The following S100A8 variants were observed in gnomAD, a reference collection of about 807,000 sequenced individuals.
The protein encoded by S100A8 is S100 calcium binding protein A8, also known as protein S100-A8.
S100A8 carries 1 observed loss-of-function variant against 4.2 expected under a neutral mutation model. The observed-to-expected ratio is 0.24, with a 90% confidence interval of 0.08 to 1.12. The LOEUF (loss-of-function observed/expected upper bound fraction) is 1.12, where lower values mean the gene tolerates loss of function less well. S100A8 is among the 50% of genes most tolerant of loss of function. The probability of loss-of-function intolerance (pLI) is 0.53; values close to 1 mark genes in which losing one functional copy is unlikely to be tolerated. For synonymous variants in S100A8, 41 were observed against 44.7 expected, an observed-to-expected ratio of 0.92 and a Z score of 0.33; for missense variants, 96 against 111.8, an observed-to-expected ratio of 0.86 and a Z score of 0.64.
At chr1:153,413,013 T>A in the S100A8 span, among the ~76,000 whole-genome samples, 4 of 152,112 alleles carry the variant, frequency 2.6e-5, no homozygotes, top group African/African-American at 4.8e-5. Flanking sequence ...AGAGATAGCA[T>A]TAGGAGATAT....
the S100A8 span, among the ~76,000 whole-genome samples, chr1:153,417,750 G>A: frequency 6.6e-6 from 1 of 152,266 alleles, no homozygotes; most frequent in African/African-American, 2.4e-5. Context: ...GAGGCTGGGG[G>A]GTCCCAGCTT....
the S100A8 span, among the ~76,000 whole-genome samples, chr1:153,417,751 G>A: frequency 2.0e-5 from 3 of 152,254 alleles, no homozygotes; most frequent in East Asian, 1.9e-4. Context: ...AGGCTGGGGG[G>A]TCCCAGCTTA....
the S100A8 span, chr1:153,421,592 G>A: frequency 0.072 from 10,896 of 152,094 alleles, 1,292 homozygotes; most frequent in African/African-American, 0.25. Context: ...GCAGCTTAGG[G>A]GAGGACCCCA....
rs1449283056 is a variant in S100A8, at chr1:153,390,164, A to G, written c.221T>C (p.Leu74Pro). The G allele has an allele frequency of 6.2e-7, 1 of 1,614,150 alleles. No individual in the cohort carries two copies. The highest frequency in any genetic ancestry group is 1.1e-5 in the South Asian group (1 of 91,080). Residue 74 changes from leucine (L) to proline (P), a missense_variant, in exon 3 of 3, where the codon CTG becomes CCG. Leu to Pro is a moderately conservative substitution (Grantham distance 98). Transcript: ENST00000368733. ...GAVNFQEFLI[L>P]VIKMGVAAHK... ...GGCTGCCACGCCCATCTTTATCACC[A>G]GAATGAGGAACTCCTGGAAGTTAAC...
In S100A8 at chr1:153,390,538, T is replaced by G; in HGVS notation, c.-3A>C. The G allele has an allele frequency of 6.2e-7, 1 of 1,614,156 alleles. No homozygotes were observed. The highest frequency in any genetic ancestry group is 8.5e-7 in the Non-Finnish European group (1 of 1,180,014). ...GCTTTCTCCAGCTCGGTCAACATGA[T>G]GCCCACGGACTTGCCCCACCTGAAA... On this transcript the variant is annotated 5_prime_UTR_variant, in exon 2 of 3. Coordinates refer to ENST00000368733, the MANE Select transcript of S100A8 (RefSeq NM_002964.5).
At chr1:153,397,236 G>A in the S100A8 span, among the ~76,000 whole-genome samples, 2 of 152,204 alleles carry the variant, frequency 1.3e-5, no homozygotes, top group Admixed American at 6.5e-5. Context: ...CCTGGCCCTC[G>A]AGTCTGCATC....
chr1:153,404,742 A>G, the S100A8 span, among the ~76,000 whole-genome samples: 1 of 152,238 alleles, frequency 6.6e-6, no homozygotes, highest in Non-Finnish European at 1.5e-5. Flanking sequence ...AAAAGAATAC[A>G]AATTAAGTAA....
At chr1:153,416,326 G>A in the S100A8 span, among the ~76,000 whole-genome samples, 1 of 152,200 alleles carries the variant, frequency 6.6e-6, no homozygotes, top group Non-Finnish European at 1.5e-5. Context: ...CCCAGGTGAG[G>A]TCTCTGGGGT....
the S100A8 span, among the ~76,000 whole-genome samples, chr1:153,418,539 C>A: frequency 6.6e-6 from 1 of 152,278 alleles, no homozygotes; most frequent in Non-Finnish European, 1.5e-5. Flanking sequence ...ATGCTCAGGT[C>A]CTGCTTCCCA....
the S100A8 span, chr1:153,417,983 G>C: frequency 1.3e-6 from 2 of 1,539,028 alleles, no homozygotes; most frequent in Non-Finnish European, 1.8e-6. Context: ...TTTTTACTCT[G>C]TCCTCAGCCC....
chr1:153,394,437 G>A (rs887815280), upstream of S100A8, among the ~76,000 whole-genome samples: 1 of 152,174 alleles, frequency 6.6e-6, no homozygotes, highest in Non-Finnish European at 1.5e-5. Context: ...GGGCCTGCAG[G>A]AAGGAGCACA....
chr1:153,390,583 T>C (rs780835823), intron 1 of S100A8, 26 bp from the exon 2 acceptor site: 1 of 1,610,834 alleles, frequency 6.2e-7, no homozygotes, highest in South Asian at 1.1e-5. Context: ...TTCTGGGGAA[T>C]CCCATGGCAG....
upstream of S100A8, among the ~76,000 whole-genome samples, chr1:153,393,347 G>T (rs1662145158): frequency 6.6e-6 from 1 of 152,108 alleles, no homozygotes. Flanking sequence ...CTTGTTTATT[G>T]TCTGTCTTTT....
the S100A8 span, among the ~76,000 whole-genome samples, chr1:153,411,068 G>A: frequency 1.3e-5 from 2 of 152,100 alleles, no homozygotes; most frequent in Non-Finnish European, 2.9e-5. Flanking sequence ...GAAAACTGGT[G>A]CAAGACAGGG....
the S100A8 span, among the ~76,000 whole-genome samples, chr1:153,408,588 C>A: frequency 2.6e-5 from 4 of 152,256 alleles, no homozygotes; most frequent in East Asian, 5.8e-4. Context: ...CCCAATCTAG[C>A]AAGGCAGGCT....
chr1:153,419,294 T>C, the S100A8 span: 66 of 1,613,852 alleles, frequency 4.1e-5, no homozygotes, highest in Admixed American at 1.5e-4. Context: ...CGCCCTGTTC[T>C]GGGGGAAGCC....
At chr1:153,420,118 G>C in the S100A8 span, 1 of 152,256 alleles carries the variant, frequency 6.6e-6, no homozygotes, top group African/African-American at 2.4e-5. Context: ...CAGCATCACG[G>C]AAATTCTGTA....
chr1:153,408,279 T>C, the S100A8 span, among the ~76,000 whole-genome samples: 2 of 152,248 alleles, frequency 1.3e-5, no homozygotes, highest in Admixed American at 6.5e-5. Flanking sequence ...GAGAAGACCT[T>C]AAATGACCTG....
the S100A8 span, chr1:153,419,949 C>A: frequency 6.5e-6 from 1 of 152,686 alleles, no homozygotes; most frequent in African/African-American, 2.4e-5. Flanking sequence ...ATGTGGGTGA[C>A]CCTGTGGAAG....
Sources: allele counts gnomAD v4.1 joint callset (sites outside exome capture counted in the v4.1 genomes callset), GRCh38; gene constraint gnomAD v4.1.1; transcripts MANE v1.5; gene names NCBI Gene and HGNC (gene_info 2026-07-23, HGNC 2026-07-21).